The following MAB21L4 variants were observed in gnomAD, a reference collection of about 807,000 sequenced individuals.
MAB21L4 encodes the protein mab-21 like 4.
MAB21L4 carries 25 observed loss-of-function variants against 32.4 expected under a neutral mutation model. The ratio of observed to expected loss-of-function variants is 0.77; its 90% CI spans 0.56 to 1.08. The LOEUF (loss-of-function observed/expected upper bound fraction) is 1.08. MAB21L4 is among the 50% of genes least tolerant of loss of function. The pLI, the probability that MAB21L4 is intolerant of heterozygous loss-of-function variation, is 0.00. For missense variants in MAB21L4, 638 were observed against 611.0 expected (o/e 1.04, Z -0.47); for synonymous variants, 280 against 276.8 (o/e 1.01, Z -0.11).
At chr2:240,892,087 C>A in intron 1 of MAB21L4, 1 of 1,431,582 alleles carries the variant, frequency 7.0e-7, no homozygotes. Flanking sequence ...ACCACCCTCA[C>A]CCCACACCCC....
At chr2:240,896,267 G>A, upstream of MAB21L4, 1 of 780,502 alleles carries the variant, frequency 1.3e-6, no homozygotes, top group African/African-American at 1.8e-5. Context: ...GGCTGGGTTT[G>A]GTTACCACCC....
upstream of MAB21L4, among the ~76,000 whole-genome samples, chr2:240,896,496 G>A (rs1413985202): frequency 1.3e-5 from 2 of 152,164 alleles, no homozygotes; most frequent in East Asian, 1.9e-4. Flanking sequence ...TCCCTGCCAG[G>A]TTGGAGGGAA....
Position 240,888,475 on chromosome 2 carries a change from A to C in MAB21L4, c.1068T>G (p.Gly356=). ...AGCCCTCCACGCGCTGGTAGATGGC[A>C]CCAAGGTCCAGGCCGCTGCCCTGCA... ...NLLQGSGLDL[G]AIYQRVEGFA... The change falls in exon 4 of 5, where the codon GGT becomes GGG. Residue 356 remains glycine, a synonymous_variant. Transcript: ENST00000388934. The C allele has an allele frequency of 6.3e-7, 1 of 1,598,034 alleles. No homozygotes were observed. The highest frequency in any genetic ancestry group is 2.3e-5 in the East Asian group (1 of 44,344).
chr2:240,887,204 T>C, intron 4 of MAB21L4, 42 bp from the exon 5 acceptor site: 1 of 1,532,900 alleles, frequency 6.5e-7, no homozygotes. Flanking sequence ...CAGGGACCCC[T>C]GGAGCCCATG....
At chr2:240,894,929 G>A (rs564720713) in intron 1 of MAB21L4, among the ~76,000 whole-genome samples, 1 of 152,324 alleles carries the variant, frequency 6.6e-6, no homozygotes, top group South Asian at 2.1e-4. Flanking sequence ...GATAAGACAC[G>A]GGCACACACC....
intron 1 of MAB21L4, among the ~76,000 whole-genome samples, chr2:240,895,185 C>A (rs868532029): frequency 6.6e-6 from 1 of 152,232 alleles, no homozygotes; most frequent in African/African-American, 2.4e-5. Flanking sequence ...AGCCGTGGAA[C>A]CCCCGTGCAA....
In MAB21L4 at chr2:240,891,551, C is replaced by T. The variant is rs763756229; in HGVS notation, c.727G>A (p.Ala243Thr). The T allele has an allele frequency of 5.6e-6, 9 of 1,609,734 alleles. No homozygotes were observed. Among genetic ancestry groups the T allele is most frequent in the Admixed American group, 5.0e-5 (3 of 59,866 alleles). Residue 243 changes from alanine (A) to threonine (T), a missense_variant, in exon 2 of 5, where the codon GCC becomes ACC. Ala to Thr is a moderately conservative substitution (Grantham distance 58). Transcript: ENST00000388934. ...SQGVDLVPAS[A>T]QLWRTSTDYL... Reference sequence around the variant, plus strand: ...GGGTGCGCCTACCTCCAGAGCTGGGCGCTGGCCGGCACCAGGTCCACCCCT... The same window carrying T: ...GGGTGCGCCTACCTCCAGAGCTGGGTGCTGGCCGGCACCAGGTCCACCCCT...
chr2:240,889,471 G>A (rs912126394), intron 3 of MAB21L4, among the ~76,000 whole-genome samples: 5 of 152,176 alleles, frequency 3.3e-5, no homozygotes, highest in Non-Finnish European at 1.5e-5. Flanking sequence ...CTGCTTCCTC[G>A]GGGTTGGGGT....
chr2:240,889,628 G>T (rs1285852594), intron 3 of MAB21L4, among the ~76,000 whole-genome samples: 1 of 152,234 alleles, frequency 6.6e-6, no homozygotes, highest in African/African-American at 2.4e-5. Flanking sequence ...GGAACCCCCA[G>T]AGGGAGGTGT....
intron 1 of MAB21L4, among the ~76,000 whole-genome samples, chr2:240,894,996 C>T (rs1443717479): frequency 6.6e-6 from 1 of 152,202 alleles, no homozygotes; most frequent in Non-Finnish European, 1.5e-5. Context: ...CACACACACC[C>T]CTCCCACCTG....
chr2:240,888,715 G>T (rs1377409641), intron 3 of MAB21L4, 67 bp from the exon 4 acceptor site: 3 of 1,126,164 alleles, frequency 2.7e-6, no homozygotes, highest in Non-Finnish European at 3.5e-6. Flanking sequence ...CCCACCCTGC[G>T]CTCCCACCCT....
Position 240,895,515 on chromosome 2 carries a change from T to C in MAB21L4, c.483A>G (p.Val161=), listed in dbSNP as rs2059180020. 6.3e-7 allele frequency: 1 copy of C among 1,590,984 alleles called. No homozygotes were observed. Among genetic ancestry groups the C allele is most frequent in the African/African-American group, 1.3e-5 (1 of 74,512 alleles). ...CGATGAGACTGTGGTGCTTGCAGTG[T>C]ACGATGGCTGCTACCAGCAGGTCCT... ...VLKDLLVAAI[V]HCKHHSLIAP... is the part of the protein sequence containing the mutation. The change falls in exon 1 of 5, where the codon GTA becomes GTG. Residue 161 remains valine (V), a synonymous_variant. Coordinates refer to ENST00000388934, the MANE Select transcript of MAB21L4 (RefSeq NM_001085437.3).
Position 240,895,811 on chromosome 2 carries a change from G to T in MAB21L4, c.187C>A (p.Arg63Ser). The T allele has an allele frequency of 1.2e-6, 2 of 1,600,534 alleles. No individual in the cohort carries two copies. The highest frequency in any genetic ancestry group is 1.7e-6 in the Non-Finnish European group (2 of 1,171,896). ...LDPRFIVDYSRGLEAFQFALR... is the reference protein window; with the variant it reads ...LDPRFIVDYSSGLEAFQFALR... ...GCGAACTGGAAGGCCTCCAGGCCAC[G>T]GGAGTAGTCCACGATGAAGCGGGGG... Residue 63 changes from arginine (R) to serine (S), a missense_variant, in exon 1 of 5, where the codon CGT becomes AGT. By Grantham distance (110) the Arg-to-Ser change is moderately radical. Transcript: ENST00000388934.
chr2:240,896,254 G>A (rs969471062), upstream of MAB21L4: 4 of 1,013,012 alleles, frequency 3.9e-6, no homozygotes, highest in South Asian at 4.8e-5. Context: ...CAGGGCAGGC[G>A]GGGGCTGGGT....
Position 240,888,516 on chromosome 2 carries a change from G to T in MAB21L4, c.1027C>A (p.Pro343Thr). ...CTGCCCTGCAGCAGGTTGCGCTGCG[G>T]GTGGAGGAAGTGGGGCAGCTTCCGC... The part of the protein sequence containing the change: ...ATRKLPHFLH[P>T]QRNLLQGSGL... The change falls in exon 4 of 5, where the codon CCG (proline) becomes ACG (threonine). Residue 343 changes from proline (P) to threonine (T), a missense_variant. By Grantham distance (38) the Pro-to-Thr change is conservative. Transcript: ENST00000388934. 6.2e-7 allele frequency: 1 copy of T among 1,607,900 alleles called. No homozygotes were observed. Among genetic ancestry groups the T allele is most frequent in the African/African-American group, 1.3e-5 (1 of 74,940 alleles).
intron 2 of MAB21L4, among the ~76,000 whole-genome samples, chr2:240,890,484 C>G (rs767341632): frequency 6.6e-6 from 1 of 152,224 alleles, no homozygotes; most frequent in Non-Finnish European, 1.5e-5. Flanking sequence ...GACAGCTCCA[C>G]TCATGGCCCC....
chr2:240,887,219 GCT>G, intron 4 of MAB21L4, 57 bp from the exon 5 acceptor site: 2 of 1,422,632 alleles, frequency 1.4e-6, no homozygotes, highest in Non-Finnish European at 2.0e-6. Context: ...CCCATGATAA[GCT>G]CTCAGGGCCG....
At chr2:240,893,044 C>T (rs62186562) in intron 1 of MAB21L4, among the ~76,000 whole-genome samples, 60,310 of 152,066 alleles carry the variant, frequency 0.4, 12,289 homozygotes, top group African/African-American at 0.46. Context: ...CTGACACTGG[C>T]CCAGGGACCG....
chr2:240,887,157 C>A lies in MAB21L4; in HGVS notation c.1257G>T (p.Gln419His). ...AYFDVLLDKF[Q>H]VFNIQDKDRI... Reference sequence around the variant, plus strand: ...GGTCCTTATCCTGGATGTTGAAGACCTGGAACTACAGGCAGGGTTGCAGGG... The same window carrying A: ...GGTCCTTATCCTGGATGTTGAAGACATGGAACTACAGGCAGGGTTGCAGGG... The change falls in exon 5 of 5, where the codon CAG becomes CAT. Residue 419 changes from glutamine (Q) to histidine (H), a missense_variant. By Grantham distance (24) the Gln-to-His change is conservative. Transcript: ENST00000388934. 1 of 1,613,958 alleles carries A rather than the reference C, an allele frequency of 6.2e-7. No homozygotes were observed. The highest frequency in any genetic ancestry group is 8.5e-7 in the Non-Finnish European group (1 of 1,179,822).
Sources: gnomAD v4.1 joint callset for allele counts (sites outside exome capture counted in the v4.1 genomes callset) on GRCh38, gnomAD v4.1.1 for gene constraint, MANE v1.5 for transcripts, NCBI Gene and HGNC (gene_info 2026-07-23, HGNC 2026-07-21) for gene names.